The following CLVS1 variants were observed in gnomAD, a reference collection of about 807,000 sequenced individuals.
CLVS1 encodes clavesin-1.
A neutral mutation model predicts 33.1 loss-of-function variants in CLVS1; 10 were observed. That is an observed-to-expected ratio of 0.30 (90% CI 0.19 to 0.51). The LOEUF is 0.51. Ranked by LOEUF, CLVS1 falls within the 20% of genes least tolerant of loss-of-function variation. The pLI is 0.97. For missense variants in CLVS1, 343 were observed against 433.4 expected (o/e 0.79, Z 1.85); for synonymous variants, 163 against 166.1 (o/e 0.98, Z 0.14).
intron 2 of CLVS1, among the ~76,000 whole-genome samples, chr8:61,323,585 A>G (rs1811273237): frequency 6.6e-6 from 1 of 152,098 alleles, no homozygotes; most frequent in Non-Finnish European, 1.5e-5. Flanking sequence ...CTCAAAGGCC[A>G]TGTTTTGCAT....
intron 2 of CLVS1, among the ~76,000 whole-genome samples, chr8:61,149,069 T>C (rs1253053513): frequency 6.6e-6 from 1 of 152,122 alleles, no homozygotes; most frequent in Non-Finnish European, 1.5e-5. Flanking sequence ...AAGTTGAAAT[T>C]TTTTTTGGTT....
intron 2 of CLVS1, among the ~76,000 whole-genome samples, chr8:61,306,633 T>C (rs769974870): frequency 3.4e-4 from 51 of 151,636 alleles, no homozygotes; most frequent in Middle Eastern, 3.4e-3. Flanking sequence ...TTCTCTTTAA[T>C]ATATTGATCA....
the CLVS1 span, among the ~76,000 whole-genome samples, chr8:60,966,820 T>A: frequency 3.3e-5 from 5 of 152,214 alleles, no homozygotes; most frequent in Non-Finnish European, 7.3e-5. Context: ...ATTGTATTTT[T>A]ACGTTTCCAG....
At chr8:61,350,268 C>A (rs981365558) in intron 2 of CLVS1, among the ~76,000 whole-genome samples, 17 of 152,004 alleles carry the variant, frequency 1.1e-4, no homozygotes, top group Non-Finnish European at 4.4e-5. Context: ...GGTTTTTGAC[C>A]ACTGAAGAGA....
intron 3 of CLVS1, among the ~76,000 whole-genome samples, chr8:61,426,160 G>A (rs1358197799): frequency 6.6e-6 from 1 of 152,150 alleles, no homozygotes; most frequent in Non-Finnish European, 1.5e-5. Flanking sequence ...GACCAGATGT[G>A]GCCAGTGAGC....
chr8:61,196,701 T>C (rs1451703104), intron 2 of CLVS1, among the ~76,000 whole-genome samples: 1 of 152,160 alleles, frequency 6.6e-6, no homozygotes, highest in Non-Finnish European at 1.5e-5. Context: ...CAAACGTGTT[T>C]GTGGATTGCT....
chr8:61,453,756 G>C (rs1031031476), intron 3 of CLVS1, among the ~76,000 whole-genome samples: 16 of 152,136 alleles, frequency 1.1e-4, no homozygotes, highest in African/African-American at 3.9e-4. Context: ...TGGAAATGAG[G>C]ATAAAGAGAG....
intron 3 of CLVS1, among the ~76,000 whole-genome samples, chr8:61,401,547 G>T (rs1271000631): frequency 6.6e-6 from 1 of 152,144 alleles, no homozygotes; most frequent in East Asian, 1.9e-4. Context: ...ACTGCTCAAA[G>T]AAATCAGAGG....
intron 5 of CLVS1, among the ~76,000 whole-genome samples, chr8:61,470,530 T>C (rs963077832): frequency 6.6e-6 from 1 of 152,182 alleles, no homozygotes; most frequent in Non-Finnish European, 1.5e-5. Flanking sequence ...GAAAGGGAGA[T>C]ATAGCCTAGG....
upstream of CLVS1, among the ~76,000 whole-genome samples, chr8:61,056,878 C>T (rs1329553649): frequency 6.6e-6 from 1 of 152,188 alleles, no homozygotes; most frequent in East Asian, 1.9e-4. Context: ...GACAAGCAAT[C>T]CCTACCGGCT....
the CLVS1 span, among the ~76,000 whole-genome samples, chr8:60,974,769 A>T: frequency 6.7e-6 from 1 of 150,080 alleles, no homozygotes; most frequent in African/African-American, 2.5e-5. Flanking sequence ...ATAGAGCAAG[A>T]CTCCATCTCA....
upstream of CLVS1, among the ~76,000 whole-genome samples, chr8:61,284,574 T>G (rs1366748891): frequency 6.6e-6 from 1 of 152,174 alleles, no homozygotes; most frequent in Non-Finnish European, 1.5e-5. Context: ...AAGACCAAAG[T>G]GTCGGTAGTG....
the CLVS1 span, among the ~76,000 whole-genome samples, chr8:61,044,267 G>A: frequency 1.4e-4 from 22 of 152,188 alleles, 1 homozygote; most frequent in African/African-American, 4.6e-4. Context: ...CACTATCTGC[G>A]GCAGAGTGCT....
chr8:61,330,956 C>T (rs995112056), intron 2 of CLVS1, among the ~76,000 whole-genome samples: 19 of 151,656 alleles, frequency 1.3e-4, no homozygotes, highest in African/African-American at 4.4e-4. Context: ...GGCATGGTGG[C>T]ATGTTCCTGT....
At chr8:61,339,111 G>T (rs752951158) in intron 2 of CLVS1, among the ~76,000 whole-genome samples, 1 of 152,068 alleles carries the variant, frequency 6.6e-6, no homozygotes, top group Admixed American at 6.5e-5. Context: ...GTGGGCCAGG[G>T]CACTATGCCT....
At chr8:61,020,110 G>A in the CLVS1 span, among the ~76,000 whole-genome samples, 2 of 152,214 alleles carry the variant, frequency 1.3e-5, no homozygotes, top group African/African-American at 2.4e-5. Context: ...GGGAATGAAG[G>A]ACCATAAATG....
At chr8:61,072,396 C>G (rs1804815247) in intron 1 of CLVS1, among the ~76,000 whole-genome samples, 1 of 152,166 alleles carries the variant, frequency 6.6e-6, no homozygotes, top group Non-Finnish European at 1.5e-5. Context: ...CTAAGACCCC[C>G]TCTTATTTCT....
At chr8:61,203,146 C>A in intron 2 of CLVS1, 1 of 1,175,194 alleles carries the variant, frequency 8.5e-7, no homozygotes, top group Admixed American at 1.7e-5. Context: ...AAGCCAAGTT[C>A]ATCAATTACG....
chr8:61,252,997 T>A (rs1435340819), intron 2 of CLVS1, among the ~76,000 whole-genome samples: 1 of 152,240 alleles, frequency 6.6e-6, no homozygotes. Context: ...TGTTAGTTGA[T>A]GCAGTTTCTT....
Sources: allele counts gnomAD v4.1 joint callset (sites outside exome capture counted in the v4.1 genomes callset), GRCh38; gene constraint gnomAD v4.1.1; transcripts MANE v1.5; gene names NCBI Gene and HGNC (gene_info 2026-07-23, HGNC 2026-07-21).